LONP2: variants seen among roughly 807,000 people sequenced by gnomAD.
LONP2 encodes lon peptidase 2, peroxisomal, also known as lon protease homolog 2, peroxisomal.
LONP2 carries 60 observed loss-of-function variants against 85.6 expected under a neutral mutation model. That is an observed-to-expected ratio of 0.70 (90% CI 0.57 to 0.87). The LOEUF (loss-of-function observed/expected upper bound fraction) is 0.87, where lower values mean the gene tolerates loss of function less well. Ranked by LOEUF, LONP2 falls within the 40% of genes least tolerant of loss-of-function variation. The pLI is 0.00. For synonymous variants in LONP2, 395 were observed against 389.7 expected, an observed-to-expected ratio of 1.01 and a Z score of -0.16; for missense variants, 860 against 1,063.5, an observed-to-expected ratio of 0.81 and a Z score of 2.66.
chr16:48,360,570 A>G (rs113829034), downstream of LONP2: 4 of 152,688 alleles, frequency 2.6e-5, no homozygotes, highest in Non-Finnish European at 4.4e-5. Flanking sequence ...TGAGAATTAT[A>G]AAAGACCAAA....
intron 7 of LONP2, among the ~76,000 whole-genome samples, chr16:48,276,738 TGG>T: frequency 6.6e-6 from 1 of 152,192 alleles, no homozygotes; most frequent in African/African-American, 2.4e-5. Context: ...GACAGAATAA[TGG>T]AATTCTGATA....
intron 8 of LONP2, among the ~76,000 whole-genome samples, chr16:48,286,329 G>A (rs1355386277): frequency 6.6e-6 from 1 of 151,798 alleles, no homozygotes; most frequent in Admixed American, 6.6e-5. Context: ...TTTTAGTAGA[G>A]ATGGGGTTTC....
chr16:48,311,165 T>A (rs145130659), intron 11 of LONP2, among the ~76,000 whole-genome samples: 11 of 152,306 alleles, frequency 7.2e-5, no homozygotes, highest in Middle Eastern at 3.4e-3. Context: ...GGCTGGAGTT[T>A]GTTGAGCGTC....
intron 11 of LONP2, among the ~76,000 whole-genome samples, chr16:48,323,026 G>A (rs1041740102): frequency 2.6e-5 from 4 of 152,164 alleles, no homozygotes; most frequent in Admixed American, 6.5e-5. Context: ...TATGCAGTGC[G>A]TGACTATACC....
intron 2 of LONP2, among the ~76,000 whole-genome samples, chr16:48,253,949 A>C (rs1438099915): frequency 6.6e-6 from 1 of 152,170 alleles, no homozygotes; most frequent in African/African-American, 2.4e-5. Flanking sequence ...TACTAATTTT[A>C]TAATTTCTCT....
At chr16:48,314,818 G>C (rs1222761947) in intron 11 of LONP2, among the ~76,000 whole-genome samples, 1 of 151,822 alleles carries the variant, frequency 6.6e-6, no homozygotes. Flanking sequence ...TTTTTTGTTG[G>C]TAGTGTATGA....
At chr16:48,301,556 A>G (rs1972804913) in intron 10 of LONP2, among the ~76,000 whole-genome samples, 1 of 148,348 alleles carries the variant, frequency 6.7e-6, no homozygotes, top group Admixed American at 6.7e-5. Flanking sequence ...AATTGCTTGA[A>G]CCAGGGAGGT....
At chr16:48,337,343 T>C (rs1158983403) in intron 12 of LONP2, among the ~76,000 whole-genome samples, 1 of 152,218 alleles carries the variant, frequency 6.6e-6, no homozygotes, top group Non-Finnish European at 1.5e-5. Flanking sequence ...TCTGTTGCTC[T>C]GTTTTGGAAT....
chr16:48,361,488 C>T (rs199692845), downstream of LONP2: 7 of 1,327,018 alleles, frequency 5.3e-6, no homozygotes, highest in East Asian at 1.6e-4. Context: ...TTCCACCTAC[C>T]GAAAGAGTTT....
At position 48,264,015 on chromosome 16, in the gene LONP2, G is replaced by A. The variant is rs1335517942; in HGVS notation, c.982+1143G>A. Reference sequence around the variant, plus strand: ...ATTTTCAAAAGGGGAGGGAGTGTGCGAATAGGTGTGGGTGACAGACATCAA... The same window carrying A: ...ATTTTCAAAAGGGGAGGGAGTGTGCAAATAGGTGTGGGTGACAGACATCAA... On this transcript the variant is annotated intron_variant, in intron 6 of 14. Transcript: ENST00000285737. Among the ~76,000 whole-genome samples, 4 of 152,102 alleles carry A rather than the reference G, an allele frequency of 2.6e-5. No individual in the cohort carries two copies. In the East Asian group the frequency reaches 5.8e-4, roughly 22 times the overall value.
At position 48,290,555 on chromosome 16, in the gene LONP2, G is replaced by A. The variant is rs116394593; in HGVS notation, c.1384-5460G>A. On this transcript the variant is annotated intron_variant, in intron 8 of 14. Transcript: ENST00000285737. Reference sequence around the variant, plus strand: ...CCCACAAGCCCCCCTCCTCAGGTTTGCTTAATTTGCTAGAGTAGCTCACAG... The same window carrying A: ...CCCACAAGCCCCCCTCCTCAGGTTTACTTAATTTGCTAGAGTAGCTCACAG... Among the ~76,000 whole-genome samples the A allele has an allele frequency of 8.6e-3, 1,310 of 152,196 alleles. 16 individuals are homozygous for A. The highest frequency in any genetic ancestry group is 0.029 in the African/African-American group (1,210 of 41,504).
At position 48,356,071 on chromosome 16, in the gene LONP2, C is replaced by T. The variant is rs1319457469; in HGVS notation, c.*4269C>T. On this transcript the variant is annotated 3_prime_UTR_variant, in exon 15 of 15. Coordinates refer to ENST00000285737, the MANE Select transcript of LONP2 (RefSeq NM_031490.5). ...AAACCATGCATCTGGGGCAGAGATC[C>T]TTACTTGCTTGGTGGTTACAAATGC... 6.6e-6 allele frequency: 1 copy of T among 152,196 alleles called. No individual in the cohort carries two copies. The highest frequency in any genetic ancestry group is 1.5e-5 in the Non-Finnish European group (1 of 68,042). The allele number at this position is 152,196 out of a possible 1,614,324, so 9.4% of individuals were successfully genotyped here.
chr16:48,336,424 C>G (rs1346899105), intron 12 of LONP2: 1 of 456,072 alleles, frequency 2.2e-6, no homozygotes, highest in Non-Finnish European at 4.4e-6. Flanking sequence ...TGTGGTGTGT[C>G]ACATGCGTGC....
intron 11 of LONP2, among the ~76,000 whole-genome samples, chr16:48,309,893 T>C (rs1972993312): frequency 6.6e-6 from 1 of 152,170 alleles, no homozygotes; most frequent in Non-Finnish European, 1.5e-5. Context: ...TTGTTGACTT[T>C]GTCTGTCTCA....
intron 12 of LONP2, chr16:48,334,723 T>C: frequency 1.8e-6 from 1 of 545,938 alleles, no homozygotes; most frequent in Non-Finnish European, 3.6e-6. Context: ...TGCCCTCAAA[T>C]ATCAGACACT....
At chr16:48,315,963 A>AT (rs201723319) in intron 11 of LONP2, among the ~76,000 whole-genome samples, 18,279 of 107,500 alleles carry the variant, frequency 0.17, 1,510 homozygotes, top group Middle Eastern at 0.24. Context: ...CCATATTGTA[A>AT]TTTTTTTTTT....
At chr16:48,264,177 C>CGGGGTTT (rs1971938815) in intron 6 of LONP2, among the ~76,000 whole-genome samples, 1 of 152,078 alleles carries the variant, frequency 6.6e-6, no homozygotes, top group African/African-American at 2.4e-5. Flanking sequence ...TATCAGGAGA[C>CGGGGTTT]GGGGTTTTGA....
Position 48,348,004 on chromosome 16 carries a change from C to G in LONP2, c.2147-96C>G, listed in dbSNP as rs113191274. ...ACCAATATTTTGAAGAATTCATTTA[C>G]CCAAAACATTCATTTTTGTTTGTGA... On this transcript the variant is annotated intron_variant, in intron 13 of 14. Coordinates refer to ENST00000285737, the MANE Select transcript of LONP2 (RefSeq NM_031490.5). 105 of 1,163,612 alleles carry G rather than the reference C, an allele frequency of 9.0e-5. No individual in the cohort carries two copies. The African/African-American group carries it at 1.0e-3, about 11-fold the overall frequency. 72.1% of individuals were successfully genotyped at this position (1,163,612 alleles called of 1,614,324 possible).
chr16:48,292,838 C>CT (rs58487749), intron 8 of LONP2, among the ~76,000 whole-genome samples: 2,569 of 152,292 alleles, frequency 0.017, 59 homozygotes, highest in African/African-American at 0.057. Context: ...TATTCTGTTT[C>CT]TGGGAGCTGC....
Sources: allele counts gnomAD v4.1 joint callset (sites outside exome capture counted in the v4.1 genomes callset), GRCh38; gene constraint gnomAD v4.1.1; transcripts MANE v1.5; gene names NCBI Gene and HGNC (gene_info 2026-07-23, HGNC 2026-07-21).